The following RANBP3 variants were observed in gnomAD, a reference collection of about 807,000 sequenced individuals.
The protein encoded by RANBP3 is RAN binding protein 3.
A neutral mutation model predicts 77.3 loss-of-function variants in RANBP3; 14 were observed. That is an observed-to-expected ratio of 0.18 (90% CI 0.12 to 0.28). The LOEUF (loss-of-function observed/expected upper bound fraction) is 0.28. Among genes scored for constraint, RANBP3 ranks in the 10% least tolerant of loss-of-function variants. The probability of loss-of-function intolerance (pLI) is 1.00; values close to 1 mark genes in which losing one functional copy is unlikely to be tolerated. For missense variants in RANBP3, 586 were observed against 752.3 expected (o/e 0.78, Z 2.59); for synonymous variants, 315 against 312.4 (o/e 1.01, Z -0.09).
In RANBP3 at chr19:5,958,557, G is replaced by A. The variant is rs2058362857; in HGVS notation, c.23-584C>T. On this transcript the variant is annotated intron_variant, in intron 1 of 16. Transcript: ENST00000340578. The surrounding 1 kb of genome is among the most constrained non-coding windows in gnomAD (Gnocchi z 4.4). ...GCTGAAGGAAGAAACACTCTGGGGT[G>A]TTCTGTCACTTGATGGGACAAGAGC... is the stretch of plus-strand genomic sequence containing the variant. Among the ~76,000 whole-genome samples the A allele has an allele frequency of 6.6e-6, 1 of 152,252 alleles. No individual in the cohort carries two copies. The highest frequency in any genetic ancestry group is 1.5e-5 in the Non-Finnish European group (1 of 68,036).
intron 5 of RANBP3, among the ~76,000 whole-genome samples, chr19:5,936,422 TGCAG>T (rs60894956): frequency 2.7e-5 from 4 of 150,926 alleles, no homozygotes; most frequent in Admixed American, 6.6e-5. Context: ...CATCTCCACA[TGCAG>T]GCAGGCAGGC....
At position 5,927,166 on chromosome 19, in the gene RANBP3, T is replaced by A. The variant is rs370596875; in HGVS notation, c.813+802A>T. 1.1e-3 allele frequency among the ~76,000 whole-genome samples: 161 copies of A among 152,268 alleles called. 1 individual carries two copies. Among genetic ancestry groups the A allele is most frequent in the African/African-American group, 3.7e-3 (155 of 41,554 alleles). On this transcript the variant is annotated intron_variant, in intron 9 of 16. Transcript: ENST00000340578. ...GCTAGAGATGCCGTAGCACATTCCA[T>A]GTCTGTGGCTGGGAAAGGTGGTGCT...
chr19:5,917,497 G>GGGGT lies in RANBP3; in HGVS notation c.*109_*112dup. The GGGGT allele has an allele frequency of 1.6e-6, 2 of 1,231,362 alleles. No individual in the cohort carries two copies. Among genetic ancestry groups the GGGGT allele is most frequent in the Non-Finnish European group, 2.2e-6 (2 of 898,204 alleles). 76.3% of individuals were successfully genotyped at this position (1,231,362 alleles called of 1,614,324 possible). A position where few individuals can be genotyped will look rare whatever the true frequency, so the allele number is the denominator to read the frequency against. ...GGGTCCAGACTGTGGCCGGCCCAGT[G>GGGGT]GGGTGTGTGGTTCCCGGCCCCGCAC... On this transcript the variant is annotated 3_prime_UTR_variant, in exon 17 of 17. Coordinates refer to ENST00000340578, the MANE Select transcript of RANBP3 (RefSeq NM_007322.3).
Position 5,924,414 on chromosome 19 carries a change from C to T in RANBP3, c.996+413G>A, listed in dbSNP as rs1235646219. Among the ~76,000 whole-genome samples the T allele has an allele frequency of 1.3e-5, 2 of 152,222 alleles. No individual in the cohort carries two copies. Among genetic ancestry groups the T allele is most frequent in the Non-Finnish European group, 2.9e-5 (2 of 68,042 alleles). ...GAACGGAGATGGGCCTTTCGTGCAC[C>T]CAAGGCCTTGGCCGCGGTTATGCTC... On this transcript the variant is annotated intron_variant, in intron 11 of 16. Coordinates refer to ENST00000340578, the MANE Select transcript of RANBP3 (RefSeq NM_007322.3). The surrounding 1 kb of genome is among the most constrained non-coding windows in gnomAD (Gnocchi z 4.7).
chr19:5,934,790 G>A (rs1473527905), intron 5 of RANBP3, among the ~76,000 whole-genome samples: 1 of 152,214 alleles, frequency 6.6e-6, no homozygotes, highest in Non-Finnish European at 1.5e-5. Context: ...AGTTACGACT[G>A]TACCACTGCA....
chr19:5,934,952 C>T (rs1052188474), intron 5 of RANBP3, among the ~76,000 whole-genome samples: 1 of 152,078 alleles, frequency 6.6e-6, no homozygotes, highest in Non-Finnish European at 1.5e-5. Flanking sequence ...AGGAGCTGAG[C>T]GGTTACCAGG....
chr19:5,918,270 C>A, intron 15 of RANBP3: 1 of 628,886 alleles, frequency 1.6e-6, no homozygotes, highest in East Asian at 2.9e-5. Context: ...CACAACCCCT[C>A]AGCCAAACCC....
rs1297384079 is a variant in RANBP3 at position 5,959,824 on chromosome 19, G to C, written c.23-1851C>G. 6.6e-6 allele frequency among the ~76,000 whole-genome samples: 1 copy of C among 152,112 alleles called. No individual in the cohort carries two copies. The highest frequency in any genetic ancestry group is 1.5e-5 in the Non-Finnish European group (1 of 68,024). Reference sequence around the variant, plus strand: ...GACCTCTGCATTTGCCTCCCTGCCAGCTGCCAGGTGACAAGATGCACAGGA... The same window carrying C: ...GACCTCTGCATTTGCCTCCCTGCCACCTGCCAGGTGACAAGATGCACAGGA... On this transcript the variant is annotated intron_variant, in intron 1 of 16. Coordinates refer to ENST00000340578, the MANE Select transcript of RANBP3 (RefSeq NM_007322.3). This position sits in a 1 kb window ranked among gnomAD's most constrained non-coding sequence, Gnocchi z 5.1.
Position 5,917,183 on chromosome 19 carries a change from A to T in RANBP3, c.*427T>A. The T allele has an allele frequency of 3.9e-6, 1 of 257,520 alleles. No individual in the cohort carries two copies. 16.0% of individuals were successfully genotyped at this position (257,520 alleles called of 1,614,324 possible). A position where few individuals can be genotyped will look rare whatever the true frequency, so the allele number is the denominator to read the frequency against. ...TAGTTGGGGAGCCCTGGGCAGGGGC[A>T]GAGGGCTGGCTGCTCCCCACAAAGG... On this transcript the variant is annotated 3_prime_UTR_variant, in exon 17 of 17. Transcript: ENST00000340578.
chr19:5,967,475 G>A (rs1204367128), intron 1 of RANBP3, among the ~76,000 whole-genome samples: 4 of 152,126 alleles, frequency 2.6e-5, no homozygotes, highest in South Asian at 2.1e-4. Flanking sequence ...ACTGGACTCC[G>A]AGGTAGGTAC....
At chr19:5,918,825 C>A (rs536299304) in intron 14 of RANBP3, among the ~76,000 whole-genome samples, 187 bp from the exon 15 acceptor site, 3 of 152,148 alleles carry the variant, frequency 2.0e-5, no homozygotes, top group African/African-American at 7.2e-5. Context: ...GCTCCCGGGG[C>A]GGGGCTCCTC....
chr19:5,923,717 G>T, intron 12 of RANBP3, 95 bp downstream of exon 12: 1 of 970,986 alleles, frequency 1.0e-6, no homozygotes, highest in Non-Finnish European at 1.6e-6. Context: ...CGGGAGTCGG[G>T]CCCCTTATCC....
intron 2 of RANBP3, among the ~76,000 whole-genome samples, chr19:5,956,552 A>C (rs1473086035): frequency 6.6e-6 from 1 of 152,194 alleles, no homozygotes; most frequent in Non-Finnish European, 1.5e-5. Context: ...TAACAATGGG[A>C]AAGTTTCATG....
intron 6 of RANBP3, 22 bp downstream of exon 6, chr19:5,933,392 C>T: frequency 6.3e-7 from 1 of 1,596,650 alleles, no homozygotes; most frequent in Non-Finnish European, 8.5e-7. Context: ...CACCCCCCGC[C>T]CCAGGGAGGT....
At position 5,917,364 on chromosome 19, in the gene RANBP3, G is replaced by T; in HGVS notation, c.*246C>A. The T allele has an allele frequency of 3.8e-6, 2 of 531,090 alleles. No homozygotes were observed. The highest frequency in any genetic ancestry group is 6.7e-6 in the Non-Finnish European group (2 of 298,934). The allele number at this position is 531,090 out of a possible 1,614,324, so 32.9% of individuals were successfully genotyped here. ...CTTAATGTGCCATTTCAATTCAAAG[G>T]AGGGGAGGGAGGAAATGTTCTTGTT... On this transcript the variant is annotated 3_prime_UTR_variant, in exon 17 of 17. Coordinates refer to ENST00000340578, the MANE Select transcript of RANBP3 (RefSeq NM_007322.3).
intron 9 of RANBP3, 147 bp from the exon 10 acceptor site, chr19:5,925,884 T>G: frequency 8.2e-6 from 5 of 608,950 alleles, no homozygotes; most frequent in African/African-American, 1.8e-5. Flanking sequence ...TGCGCGTGCA[T>G]GTGCTGGGGG....
At chr19:5,977,043 C>T (rs2058600723) in intron 1 of RANBP3, among the ~76,000 whole-genome samples, 2 of 152,218 alleles carry the variant, frequency 1.3e-5, no homozygotes, top group South Asian at 4.1e-4. Context: ...TTGCACCACA[C>T]CTGGTAACTA....
At position 5,932,495 on chromosome 19, in the gene RANBP3, C is replaced by T. The variant is rs368348655; in HGVS notation, c.522G>A (p.Pro174=). Reference sequence around the variant, plus strand: ...TTGGCTGCGGAGCTTGTAACACTGCCGGGCGAAGCACGCTCCGCTGCTGCT... The same window carrying T: ...TTGGCTGCGGAGCTTGTAACACTGCTGGGCGAAGCACGCTCCGCTGCTGCT... The part of the protein sequence containing the change: ...PKEQQRSVLR[P]AVLQAPQPKA... Residue 174 remains proline, a synonymous_variant, in exon 7 of 17, where the codon CCG becomes CCA. Transcript: ENST00000340578. 773 of 1,613,880 alleles carry T rather than the reference C, an allele frequency of 4.8e-4. 1 individual carries two copies. The highest frequency in any genetic ancestry group is 2.1e-3 in the South Asian group (195 of 91,086).
chr19:5,918,692 C>T (rs1287317613), intron 14 of RANBP3, 54 bp from the exon 15 acceptor site: 3 of 1,591,876 alleles, frequency 1.9e-6, no homozygotes, highest in Non-Finnish European at 1.7e-6. Context: ...CCCTCACAAA[C>T]AGCCAGCTCC....
Sources: gnomAD v4.1 joint callset for allele counts (sites outside exome capture counted in the v4.1 genomes callset) on GRCh38, gnomAD v4.1.1 for gene constraint, Gnocchi (gnomAD v3.1) non-coding constraint, MANE v1.5 for transcripts, NCBI Gene and HGNC (gene_info 2026-07-23, HGNC 2026-07-21) for gene names.